The following MYO5A variants were observed in gnomAD, a reference collection of about 807,000 sequenced individuals.
MYO5A encodes unconventional myosin-Va.
In MYO5A, 98 loss-of-function variants were observed where a neutral mutation model predicts 249.7. That is an observed-to-expected ratio of 0.39 (90% CI 0.33 to 0.46). MYO5A has a LOEUF of 0.46. Ranked by LOEUF, MYO5A falls within the 20% of genes least tolerant of loss-of-function variation. The pLI, the probability that MYO5A is intolerant of heterozygous loss-of-function variation, is 0.98. For synonymous variants in MYO5A, 778 were observed against 810.6 expected (o/e 0.96, Z 0.68); for missense variants, 1,696 against 2,308.8 (o/e 0.73, Z 5.44).
chr15:52,493,180 G>A (rs112891088), intron 1 of MYO5A, among the ~76,000 whole-genome samples: 9 of 152,298 alleles, frequency 5.9e-5, no homozygotes, highest in East Asian at 3.9e-4. Context: ...AGAGCCGGAA[G>A]TTTGAGAGTA....
At chr15:52,392,999 G>C (rs912550669) in intron 11 of MYO5A, among the ~76,000 whole-genome samples, 8 of 152,182 alleles carry the variant, frequency 5.3e-5, no homozygotes, top group Non-Finnish European at 1.5e-5. Flanking sequence ...ATGAATGGCA[G>C]CCAAGCTAGT....
At chr15:52,476,083 G>A (rs962786235) in intron 1 of MYO5A, among the ~76,000 whole-genome samples, 58 of 152,278 alleles carry the variant, frequency 3.8e-4, no homozygotes, top group African/African-American at 1.3e-3. Flanking sequence ...CCTGTATTGG[G>A]TGCATATATA....
intron 1 of MYO5A, among the ~76,000 whole-genome samples, chr15:52,445,490 G>T (rs1451028162): frequency 6.6e-6 from 1 of 152,152 alleles, no homozygotes; most frequent in East Asian, 1.9e-4. Flanking sequence ...TTGGTACTAG[G>T]AGTGAGGGAT....
intron 1 of MYO5A, among the ~76,000 whole-genome samples, chr15:52,508,883 C>CA (rs1252474814): frequency 1.3e-5 from 2 of 151,764 alleles, no homozygotes; most frequent in African/African-American, 4.8e-5. Context: ...TCTTATCTAC[C>CA]AAAAAAAACG....
chr15:52,319,658 G>C (rs1355712505), intron 38 of MYO5A, among the ~76,000 whole-genome samples: 2 of 152,120 alleles, frequency 1.3e-5, no homozygotes, highest in Non-Finnish European at 2.9e-5. Flanking sequence ...TTGAACTTGG[G>C]AGGCAAAGGC....
At position 52,384,166 on chromosome 15, in the gene MYO5A, G is replaced by A; in HGVS notation, c.1909C>T (p.His637Tyr). Residue 637 changes from histidine to tyrosine, a missense_variant, in exon 15 of 42, where the codon CAT becomes TAT. By Grantham distance (83) the His-to-Tyr change is moderately conservative. Transcript: ENST00000399233. Reference sequence around the variant, plus strand: ...CGGCAGCTCCCTGAACTCACCTGATGCCCCACTGTTTTCTTGTGCTCTTTG... The same window carrying A: ...CGGCAGCTCCCTGAACTCACCTGATACCCCACTGTTTTCTTGTGCTCTTTG... ...MAKEHKKTVG[H>Y]QFRNSLHLLM... 6.2e-7 allele frequency: 1 copy of A among 1,614,128 alleles called. No homozygotes were observed. The highest frequency in any genetic ancestry group is 8.5e-7 in the Non-Finnish European group (1 of 1,179,982).
At chr15:52,330,210 A>T (rs1262363828) in intron 35 of MYO5A, 143 bp downstream of exon 35, 1 of 1,123,072 alleles carries the variant, frequency 8.9e-7, no homozygotes, top group African/African-American at 1.5e-5. Context: ...TGTGGTCAGA[A>T]CACTACTGCA....
chr15:52,440,969 T>A (rs1002277472), intron 1 of MYO5A, among the ~76,000 whole-genome samples: 4 of 152,200 alleles, frequency 2.6e-5, no homozygotes, highest in African/African-American at 9.7e-5. Flanking sequence ...AAATGAGTGC[T>A]TTATGTCACA....
At chr15:52,319,486 G>A (rs937546435) in intron 38 of MYO5A, 144 bp from the exon 39 acceptor site, 2 of 909,434 alleles carry the variant, frequency 2.2e-6, no homozygotes, top group Non-Finnish European at 1.7e-6. Context: ...CCAGCACTTT[G>A]GGAGGCCGCC....
intron 12 of MYO5A, among the ~76,000 whole-genome samples, chr15:52,391,027 T>C (rs924160590): frequency 6.6e-6 from 1 of 152,210 alleles, no homozygotes; most frequent in Non-Finnish European, 1.5e-5. Context: ...TCTTCTTATA[T>C]GTATATACCT....
chr15:52,337,902 A>G lies in MYO5A; in HGVS notation c.4240-18T>C. On this transcript the variant is annotated intron_variant, in intron 32 of 41. Coordinates refer to ENST00000399233, the MANE Select transcript of MYO5A (RefSeq NM_001382347.1). ...TCAAAATACTGAAAAAACAGGCACAATGGATATTTGTTTTTGTCTGTGTGT... is the reference window on the plus strand; with the variant it reads ...TCAAAATACTGAAAAAACAGGCACAGTGGATATTTGTTTTTGTCTGTGTGT... 2 of 1,502,188 alleles carry G rather than the reference A, an allele frequency of 1.3e-6. No individual in the cohort carries two copies. The highest frequency in any genetic ancestry group is 1.8e-6 in the Non-Finnish European group (2 of 1,108,902). 93.1% of individuals were successfully genotyped at this position (1,502,188 alleles called of 1,614,324 possible).
rs187403405 is a variant in MYO5A, at chr15:52,439,571, G to C, written c.28-6286C>G. Among the ~76,000 whole-genome samples, 73 of 152,282 alleles carry C rather than the reference G, an allele frequency of 4.8e-4. 1 individual carries two copies. The highest frequency in any genetic ancestry group is 1.7e-3 in the African/African-American group (71 of 41,558). ...ATATATGTTGATTTTATTTAAGACT[G>C]AGATAAGGTAAGGCAAGGAAAAGAG... On this transcript the variant is annotated intron_variant, in intron 1 of 41. Coordinates refer to ENST00000399233, the MANE Select transcript of MYO5A (RefSeq NM_001382347.1).
At chr15:52,390,179 T>C (rs748617096) in intron 12 of MYO5A, among the ~76,000 whole-genome samples, 4 of 152,084 alleles carry the variant, frequency 2.6e-5, no homozygotes, top group Admixed American at 2.6e-4. Flanking sequence ...AAATGGGGGA[T>C]GGTTAATAGG....
intron 1 of MYO5A, among the ~76,000 whole-genome samples, chr15:52,460,035 T>C (rs1461746189): frequency 4.2e-5 from 6 of 143,362 alleles, no homozygotes; most frequent in Admixed American, 2.8e-4. Context: ...GAGGCACTCT[T>C]TATATCTCAG....
intron 1 of MYO5A, among the ~76,000 whole-genome samples, chr15:52,470,175 G>A (rs907303088): frequency 2.6e-5 from 4 of 152,154 alleles, no homozygotes; most frequent in Non-Finnish European, 5.9e-5. Flanking sequence ...CCATAGCATT[G>A]ACAATTCTTT....
chr15:52,356,960 T>C (rs1221832770), intron 25 of MYO5A, among the ~76,000 whole-genome samples: 4 of 151,958 alleles, frequency 2.6e-5, no homozygotes, highest in Non-Finnish European at 5.9e-5. Flanking sequence ...TCAAAGTCAT[T>C]TGTCCACAAA....
chr15:52,505,790 T>C, intron 1 of MYO5A: 2 of 1,585,788 alleles, frequency 1.3e-6, no homozygotes, highest in Non-Finnish European at 1.7e-6. Context: ...GGAACAGATA[T>C]GCTGGAGGAG....
In MYO5A at chr15:52,336,559, A is replaced by G; in HGVS notation, c.4315-3T>C. 6.3e-7 allele frequency: 1 copy of G among 1,585,098 alleles called. No homozygotes were observed. The highest frequency in any genetic ancestry group is 8.6e-7 in the Non-Finnish European group (1 of 1,159,790). On this transcript the variant is annotated splice_region_variant and splice_polypyrimidine_tract_variant and intron_variant, in intron 33 of 41. Transcript: ENST00000399233. ...TTTTCAAGTTGTTCCATCAAATCCT[A>G]AAGATCAAAAAGAGAAATATATTAG... is the stretch of plus-strand genomic sequence containing the variant.
intron 34 of MYO5A, among the ~76,000 whole-genome samples, chr15:52,334,350 TACTC>T (rs1340457776): frequency 6.6e-6 from 1 of 152,192 alleles, no homozygotes; most frequent in Non-Finnish European, 1.5e-5. Context: ...TTCAAACAAA[TACTC>T]TGCTGTCTGA....
Sources: allele counts gnomAD v4.1 joint callset (sites outside exome capture counted in the v4.1 genomes callset), GRCh38; gene constraint gnomAD v4.1.1; transcripts MANE v1.5; gene names NCBI Gene and HGNC (gene_info 2026-07-23, HGNC 2026-07-21).